PIEZO2: variants seen among roughly 807,000 people sequenced by gnomAD.
The protein encoded by PIEZO2 is piezo-type mechanosensitive ion channel component 2.
In PIEZO2, 172 loss-of-function variants were observed where a neutral mutation model predicts 337.3. That is an observed-to-expected ratio of 0.51 (90% CI 0.45 to 0.58). The LOEUF (loss-of-function observed/expected upper bound fraction) is 0.58, where lower values mean the gene tolerates loss of function less well. Among genes scored for constraint, PIEZO2 ranks in the 20% least tolerant of loss-of-function variants. The pLI is 0.00. For synonymous variants in PIEZO2, 1,251 were observed against 1,228.5 expected (o/e 1.02, Z -0.38); for missense variants, 3,028 against 3,391.3 (o/e 0.89, Z 2.66).
In PIEZO2 at chr18:11,009,445, G is replaced by A. The variant is rs2035821767; in HGVS notation, c.161-29785C>T. Among the ~76,000 whole-genome samples, 4 of 152,316 alleles carry A rather than the reference G, an allele frequency of 2.6e-5. No homozygotes were observed. The South Asian group carries it at 8.3e-4, about 32-fold the overall frequency. ...AGCCAGGGCTGAGAACCACTGTGCT[G>A]GAGATTCAGCTGAAGGGAGGTTGAG... On this transcript the variant is annotated intron_variant, in intron 2 of 55. Transcript: ENST00000674853. The surrounding 1 kb of genome is among the most constrained non-coding windows in gnomAD (Gnocchi z 4.6).
chr18:10,748,762 T>A lies in PIEZO2; in HGVS notation c.4265-132A>T. The A allele has an allele frequency of 1.3e-6, 1 of 798,448 alleles. No individual in the cohort carries two copies. The highest frequency in any genetic ancestry group is 1.9e-6 in the Non-Finnish European group (1 of 534,476). 49.5% of individuals were successfully genotyped at this position (798,448 alleles called of 1,614,324 possible). A position where few individuals can be genotyped will look rare whatever the true frequency, so the allele number is the denominator to read the frequency against. ...GCATTCTGATGCTCTGACTTACTTA[T>A]GAGTTGATTTATTTACAAGGAGATC... On this transcript the variant is annotated intron_variant, in intron 29 of 55. Coordinates refer to ENST00000674853, the MANE Select transcript of PIEZO2 (RefSeq NM_001378183.1). The surrounding 1 kb of genome is among the most constrained non-coding windows in gnomAD (Gnocchi z 5.1).
chr18:11,054,117 T>G (rs1214752048), intron 2 of PIEZO2, among the ~76,000 whole-genome samples: 1 of 152,212 alleles, frequency 6.6e-6, no homozygotes, highest in Non-Finnish European at 1.5e-5. Flanking sequence ...GTTAATAAAT[T>G]TAATGCAGGA....
chr18:10,896,242 TAC>T (rs2042898658), intron 4 of PIEZO2, among the ~76,000 whole-genome samples: 1 of 152,144 alleles, frequency 6.6e-6, no homozygotes, highest in Non-Finnish European at 1.5e-5. Flanking sequence ...TCATATTACC[TAC>T]CACTATTTTC....
rs2040809643 is a variant in PIEZO2 at position 11,146,304 on chromosome 18, C to A, written c.64+2221G>T. On this transcript the variant is annotated intron_variant, in intron 1 of 55. Transcript: ENST00000674853. The surrounding 1 kb of genome is among the most constrained non-coding windows in gnomAD (Gnocchi z 6.1). ...CCAGAAAGTCCAGGATCAAAGTGGA[C>A]TCAGGCAGCGGGAGCCCCCAGCCTG... 3.9e-5 allele frequency among the ~76,000 whole-genome samples: 6 copies of A among 152,170 alleles called. No homozygotes were observed. The highest frequency in any genetic ancestry group is 3.9e-4 in the Admixed American group (6 of 15,288).
chr18:10,913,678 C>G (rs931396452), intron 3 of PIEZO2, among the ~76,000 whole-genome samples: 3 of 152,124 alleles, frequency 2.0e-5, no homozygotes, highest in Non-Finnish European at 2.9e-5. Flanking sequence ...CATCTTCCTA[C>G]TTCTGCGAAA....
At chr18:10,822,311 T>A (rs781412769) in intron 7 of PIEZO2, among the ~76,000 whole-genome samples, 7 of 152,036 alleles carry the variant, frequency 4.6e-5, no homozygotes, top group African/African-American at 7.2e-5. Context: ...TAACTAACAT[T>A]TTCTACAGCT....
chr18:11,053,115 G>A (rs1421468248), intron 2 of PIEZO2, among the ~76,000 whole-genome samples: 3 of 152,190 alleles, frequency 2.0e-5, no homozygotes, highest in Admixed American at 2.0e-4. Flanking sequence ...ATTGATCATA[G>A]TAACAGCTCC....
At chr18:10,823,953 A>T (rs540907321) in intron 7 of PIEZO2, among the ~76,000 whole-genome samples, 1 of 152,360 alleles carries the variant, frequency 6.6e-6, no homozygotes, top group Admixed American at 6.5e-5. Flanking sequence ...GCATAGCTAA[A>T]GCCTTGCCTA....
At position 10,828,015 on chromosome 18, in the gene PIEZO2, G is replaced by A. The variant is rs2040727964; in HGVS notation, c.918-20741C>T. On this transcript the variant is annotated intron_variant, in intron 7 of 55. Transcript: ENST00000674853. This position sits in a 1 kb window ranked among gnomAD's most constrained non-coding sequence, Gnocchi z 4.1. The stretch of plus-strand genomic sequence containing the variant: ...GTCACCCCCAGGTCACTAGGTTGAT[G>A]GAGATTTTATAAGCAAAAGATGAAT... Among the ~76,000 whole-genome samples the A allele has an allele frequency of 6.6e-6, 1 of 152,142 alleles. No individual in the cohort carries two copies. Among genetic ancestry groups the A allele is most frequent in the Middle Eastern group, 3.2e-3 (1 of 316 alleles).
Position 10,979,572 on chromosome 18 carries a change from G to T in PIEZO2, c.249C>A (p.Ser83Arg), listed in dbSNP as rs1473578503. 7 of 1,535,196 alleles carry T rather than the reference G, an allele frequency of 4.6e-6. No homozygotes were observed. Among genetic ancestry groups the T allele is most frequent in the Non-Finnish European group, 6.1e-6 (7 of 1,145,506 alleles). The change falls in exon 3 of 56, where the codon AGC becomes AGA. Residue 83 changes from serine to arginine, a missense_variant. By Grantham distance (110) the Ser-to-Arg change is moderately radical. Transcript: ENST00000674853. The surrounding 1 kb of genome is among the most constrained non-coding windows in gnomAD (Gnocchi z 4.0). ...LHIIFHITLVSLEAQHRIAPG... is the reference protein window; with the variant it reads ...LHIIFHITLVRLEAQHRIAPG... ...GTGCAATACGATGTTGAGCTTCAAG[G>T]CTCACCAACGTGATGTGGAAAATGA... is the stretch of plus-strand genomic sequence containing the variant.
chr18:10,873,621 CGG>C (rs1232812988), intron 4 of PIEZO2, among the ~76,000 whole-genome samples: 2 of 122,662 alleles, frequency 1.6e-5, no homozygotes, highest in African/African-American at 3.4e-5. Flanking sequence ...AATGGACAGA[CGG>C]TATTTAACTA....
intron 2 of PIEZO2, among the ~76,000 whole-genome samples, chr18:11,026,673 C>A (rs2036552880): frequency 6.6e-6 from 1 of 152,236 alleles, no homozygotes; most frequent in Non-Finnish European, 1.5e-5. Context: ...CCCTCCACTG[C>A]CCTCTGTGAG....
chr18:10,891,050 T>C (rs1199963157), intron 4 of PIEZO2, among the ~76,000 whole-genome samples: 1 of 152,184 alleles, frequency 6.6e-6, no homozygotes, highest in Non-Finnish European at 1.5e-5. Context: ...AGTGCATTGC[T>C]GGCTGGAAGC....
At chr18:11,060,885 A>AATCC (rs2037928338) in intron 2 of PIEZO2, among the ~76,000 whole-genome samples, 1 of 152,154 alleles carries the variant, frequency 6.6e-6, no homozygotes, top group Non-Finnish European at 1.5e-5. Flanking sequence ...GAAAAGAGGG[A>AATCC]ATCCTCCCTA....
chr18:10,857,657 TAA>T (rs1246086847), intron 5 of PIEZO2, among the ~76,000 whole-genome samples: 1 of 152,224 alleles, frequency 6.6e-6, no homozygotes, highest in Non-Finnish European at 1.5e-5. Flanking sequence ...GGTTTTTTTC[TAA>T]GTTTATCTTT....
rs2865119 is a variant in PIEZO2, at chr18:10,759,937, A to T, written c.3451-28T>A. 15 of 1,525,746 alleles carry T rather than the reference A, an allele frequency of 9.8e-6. No homozygotes were observed. The highest frequency in any genetic ancestry group is 6.0e-5 in the South Asian group (5 of 83,780). 94.5% of individuals were successfully genotyped at this position (1,525,746 alleles called of 1,614,324 possible). On this transcript the variant is annotated intron_variant, in intron 24 of 55. Transcript: ENST00000674853. This position sits in a 1 kb window ranked among gnomAD's most constrained non-coding sequence, Gnocchi z 5.5. ...GTGTAAAGATGAAAAGAGGCAAAAA[A>T]AAAAAATCAGGCATATGGGAAAGGG...
chr18:11,035,332 TC>T lies in PIEZO2; in HGVS notation c.160+30794del, dbSNP rs200503111. On this transcript the variant is annotated intron_variant, in intron 2 of 55. Coordinates refer to ENST00000674853, the MANE Select transcript of PIEZO2 (RefSeq NM_001378183.1). This position sits in a 1 kb window ranked among gnomAD's most constrained non-coding sequence, Gnocchi z 4.3. ...CTCTCTCCCTCTCTCTCTCTCTCTC[TC>T]TTTCTCTCTCTCTCATTCCCTCTCT... Among the ~76,000 whole-genome samples, 7,732 of 150,988 alleles carry T rather than the reference TC, an allele frequency of 0.051. 249 individuals carry two copies. The highest frequency in any genetic ancestry group is 0.085 in the Middle Eastern group (25 of 294).
chr18:10,688,982 G>A (rs1009180054), intron 49 of PIEZO2, among the ~76,000 whole-genome samples: 8 of 152,134 alleles, frequency 5.3e-5, no homozygotes, highest in Admixed American at 1.3e-4. Context: ...TGACTGTAAC[G>A]CTGAAATTCC....
At chr18:11,007,150 C>G (rs2145636158) in intron 2 of PIEZO2, among the ~76,000 whole-genome samples, 1 of 152,054 alleles carries the variant, frequency 6.6e-6, no homozygotes, top group East Asian at 1.9e-4. Flanking sequence ...ATTTTTGTAC[C>G]AGGGCTTCTA....
Sources: gnomAD v4.1 joint callset for allele counts (sites outside exome capture counted in the v4.1 genomes callset) on GRCh38, gnomAD v4.1.1 for gene constraint, Gnocchi (gnomAD v3.1) non-coding constraint, MANE v1.5 for transcripts, NCBI Gene and HGNC (gene_info 2026-07-23, HGNC 2026-07-21) for gene names.